The following SEMA6D variants were observed in gnomAD, a reference collection of about 807,000 sequenced individuals.
The protein encoded by SEMA6D is semaphorin-6D.
SEMA6D carries 35 observed loss-of-function variants against 106.6 expected under a neutral mutation model. The observed-to-expected ratio is 0.33, with a 90% CI of 0.25 to 0.44. The LOEUF (loss-of-function observed/expected upper bound fraction) is 0.44. SEMA6D is among the 20% of genes least tolerant of loss of function. The pLI is 1.00. For missense variants in SEMA6D, 1,185 were observed against 1,345.9 expected (o/e 0.88, Z 1.87); for synonymous variants, 499 against 487.7 (o/e 1.02, Z -0.31).
intron 4 of SEMA6D, among the ~76,000 whole-genome samples, chr15:47,628,600 T>C (rs2077242296): frequency 1.3e-5 from 2 of 152,248 alleles, no homozygotes; most frequent in South Asian, 4.1e-4. Flanking sequence ...ATTGTTTGCT[T>C]TTGACAGTTT....
chr15:47,588,011 A>G (rs1028217151), intron 3 of SEMA6D, among the ~76,000 whole-genome samples: 1 of 152,178 alleles, frequency 6.6e-6, no homozygotes, highest in Non-Finnish European at 1.5e-5. Context: ...TCTACAGGAA[A>G]ACACAGAGGA....
At chr15:47,405,599 G>C (rs61998609) in intron 1 of SEMA6D, among the ~76,000 whole-genome samples, 5,599 of 152,230 alleles carry the variant, frequency 0.037, 145 homozygotes, top group Middle Eastern at 0.078. Context: ...AACAAAATTA[G>C]TCCTTGACAC....
intron 1 of SEMA6D, among the ~76,000 whole-genome samples, chr15:47,388,021 A>T (rs1595884537): frequency 6.6e-6 from 1 of 152,312 alleles, no homozygotes; most frequent in East Asian, 1.9e-4. Context: ...AAGGATTATT[A>T]TTTTTATTAT....
intron 1 of SEMA6D, among the ~76,000 whole-genome samples, chr15:47,289,364 A>T (rs1204642240): frequency 7.0e-6 from 1 of 143,168 alleles, no homozygotes; most frequent in Non-Finnish European, 1.5e-5. Flanking sequence ...ACTGCACTCC[A>T]GCCTGGGTGA....
chr15:47,704,708 G>A (rs538234765), intron 4 of SEMA6D, among the ~76,000 whole-genome samples: 1 of 147,834 alleles, frequency 6.8e-6, no homozygotes, highest in Non-Finnish European at 1.5e-5. Context: ...AACAGAGCCA[G>A]ACCCTGTCTC....
rs1245766377 is a variant in SEMA6D at position 47,730,578 on chromosome 15, C to T, written c.-55+12886C>T. On this transcript the variant is annotated intron_variant, in intron 1 of 18. Coordinates refer to ENST00000536845, the MANE Select transcript of SEMA6D (RefSeq NM_001358351.3). Reference sequence around the variant, plus strand: ...GTGGGGACATCCCCTTTGCCAGCAGCTTTCTTCTCGGCCCAGGCCAACAGT... The same window carrying T: ...GTGGGGACATCCCCTTTGCCAGCAGTTTTCTTCTCGGCCCAGGCCAACAGT... The T allele has an allele frequency of 3.4e-6, 5 of 1,491,162 alleles. No homozygotes were observed. In the East Asian group the frequency reaches 1.1e-4, roughly 34 times the overall value. The allele number at this position is 1,491,162 out of a possible 1,614,324, so 92.4% of individuals were successfully genotyped here.
intron 2 of SEMA6D, among the ~76,000 whole-genome samples, chr15:47,423,340 A>G (rs1848851500): frequency 2.0e-5 from 3 of 152,122 alleles, no homozygotes; most frequent in South Asian, 2.1e-4. Flanking sequence ...GATCTTCACC[A>G]TCAGCCCCTA....
chr15:47,619,841 A>G (rs1040352011), intron 4 of SEMA6D, among the ~76,000 whole-genome samples: 1 of 152,246 alleles, frequency 6.6e-6, no homozygotes. Context: ...TTGGAAAACT[A>G]TAAGACTAGC....
chr15:47,643,355 TCA>T (rs1038664573), intron 4 of SEMA6D, among the ~76,000 whole-genome samples: 1 of 150,838 alleles, frequency 6.6e-6, no homozygotes, highest in Admixed American at 6.6e-5. Flanking sequence ...GTGTAGACTC[TCA>T]GTGTCTGCAG....
intron 1 of SEMA6D, among the ~76,000 whole-genome samples, chr15:47,251,946 C>T (rs1176556074): frequency 3.7e-5 from 4 of 109,070 alleles, no homozygotes; most frequent in African/African-American, 1.5e-4. Flanking sequence ...GACGGAGTCT[C>T]GCTCTGTCGC....
chr15:47,213,830 C>T (rs900104952), intron 1 of SEMA6D, among the ~76,000 whole-genome samples: 5 of 151,966 alleles, frequency 3.3e-5, no homozygotes, highest in South Asian at 2.1e-4. Context: ...AGGTGTGTGG[C>T]GAGTAATTTG....
intron 1 of SEMA6D, among the ~76,000 whole-genome samples, chr15:47,238,950 T>G (rs2032731567): frequency 6.6e-6 from 1 of 152,182 alleles, no homozygotes; most frequent in African/African-American, 2.4e-5. Flanking sequence ...CATTCTTCAG[T>G]ACAGCGATCT....
At chr15:47,758,081 A>G (rs1183088203) in intron 1 of SEMA6D, among the ~76,000 whole-genome samples, 1 of 152,214 alleles carries the variant, frequency 6.6e-6, no homozygotes, top group Non-Finnish European at 1.5e-5. Context: ...CACAGTTTCC[A>G]TTCCACCTGC....
intron 1 of SEMA6D, among the ~76,000 whole-genome samples, chr15:47,285,520 A>G (rs1010534081): frequency 6.6e-6 from 1 of 152,106 alleles, no homozygotes; most frequent in African/African-American, 2.4e-5. Flanking sequence ...TGACCCTACT[A>G]CAGGGACAGA....
At chr15:47,208,266 G>T (rs1895246589) in intron 1 of SEMA6D, among the ~76,000 whole-genome samples, 1 of 151,974 alleles carries the variant, frequency 6.6e-6, no homozygotes, top group South Asian at 2.1e-4. Context: ...TTAGAATGGT[G>T]CTAGAGATAC....
At chr15:47,669,123 G>A (rs1428406291) in intron 4 of SEMA6D, among the ~76,000 whole-genome samples, 4 of 151,876 alleles carry the variant, frequency 2.6e-5, no homozygotes, top group Non-Finnish European at 5.9e-5. Flanking sequence ...AGAGCCATCA[G>A]GCCATTTCAT....
In SEMA6D at chr15:47,361,605, G is replaced by C. The variant is rs2038808017; in HGVS notation, c.-238-50788G>C. On this transcript the variant is annotated intron_variant, in intron 1 of 19. Transcript: ENST00000558014. ...CTCTGTGAGGGCAGGGACTTGGGCTGTCTGTCCCTGTTGCAGTCCCAATGT... is the reference window on the plus strand; with the variant it reads ...CTCTGTGAGGGCAGGGACTTGGGCTCTCTGTCCCTGTTGCAGTCCCAATGT... 2.0e-5 allele frequency among the ~76,000 whole-genome samples: 3 copies of C among 152,196 alleles called. No individual in the cohort carries two copies. In the East Asian group the frequency reaches 5.8e-4, roughly 29 times the overall value.
intron 1 of SEMA6D, chr15:47,185,716 G>A (rs1421602045): frequency 2.0e-5 from 3 of 152,056 alleles, no homozygotes; most frequent in South Asian, 2.1e-4. Flanking sequence ...GAGGGAGCCG[G>A]TTATCCTCAG....
At chr15:47,186,529 CT>C (rs5812365) in intron 1 of SEMA6D, among the ~76,000 whole-genome samples, 85,434 of 146,148 alleles carry the variant, frequency 0.58, 24,871 homozygotes, top group East Asian at 0.78. Flanking sequence ...ATTCGTACCT[CT>C]TTTTTTTTTT....
Sources: gnomAD v4.1 joint callset for allele counts (sites outside exome capture counted in the v4.1 genomes callset) on GRCh38, gnomAD v4.1.1 for gene constraint, MANE v1.5 for transcripts, NCBI Gene and HGNC (gene_info 2026-07-23, HGNC 2026-07-21) for gene names.